PTCH2: variants seen among roughly 807,000 people sequenced by gnomAD.
PTCH2 encodes the protein patched 2.
PTCH2 carries 96 observed loss-of-function variants against 117.9 expected under a neutral mutation model. The ratio of observed to expected loss-of-function variants is 0.81; its 90% CI spans 0.69 to 0.96. The LOEUF is 0.96. PTCH2 is among the 50% of genes least tolerant of loss of function. The pLI, the probability that PTCH2 is intolerant of heterozygous loss-of-function variation, is 0.00. For missense variants in PTCH2, 1,379 were observed against 1,562.5 expected (o/e 0.88, Z 1.98); for synonymous variants, 615 against 660.9 (o/e 0.93, Z 1.06).
intron 2 of PTCH2, among the ~76,000 whole-genome samples, chr1:44,839,007 G>A (rs1653810839): frequency 6.6e-6 from 1 of 152,104 alleles, no homozygotes; most frequent in Non-Finnish European, 1.5e-5. Context: ...GGGATTACAG[G>A]CGTGAGCCAC....
intron 2 of PTCH2, among the ~76,000 whole-genome samples, chr1:44,838,524 A>T (rs1653786813): frequency 6.6e-6 from 1 of 152,204 alleles, no homozygotes; most frequent in Non-Finnish European, 1.5e-5. Flanking sequence ...TACAGGCGTG[A>T]GCCACCGTGC....
Position 44,831,167 on chromosome 1 carries a change from G to T in PTCH2, c.618-124C>A. 1 of 1,024,028 alleles carries T rather than the reference G, an allele frequency of 9.8e-7. No individual in the cohort carries two copies. The highest frequency in any genetic ancestry group is 1.4e-6 in the Non-Finnish European group (1 of 699,244). The allele number at this position is 1,024,028 out of a possible 1,614,324, so 63.4% of individuals were successfully genotyped here. ...GCCGATTTGTCCTTCCATATGGAGG[G>T]TGTGCAAGCCTCAGCTTCTCAGAAC... is the stretch of plus-strand genomic sequence containing the variant. On this transcript the variant is annotated intron_variant, in intron 5 of 21. Transcript: ENST00000372192. The surrounding 1 kb of genome is among the most constrained non-coding windows in gnomAD (Gnocchi z 4.3).
intron 2 of PTCH2, among the ~76,000 whole-genome samples, chr1:44,833,864 C>T (rs1653569187): frequency 6.6e-6 from 1 of 151,972 alleles, no homozygotes; most frequent in Non-Finnish European, 1.5e-5. Flanking sequence ...TCTTAAATTC[C>T]TGGGCTCAAG....
chr1:44,841,926 T>C lies in PTCH2; in HGVS notation c.186A>G (p.Gly62=), dbSNP rs1376344027. Residue 62 remains glycine (G), a synonymous_variant, in exon 2 of 22, where the codon GGA becomes GGG. Transcript: ENST00000372192. ...ATGCCAGGGCCCCAAAGGCCAACAG[T>C]CCCAGAAAGAGCACTTTGCCACAAT... ...QRHCGKVLFL[G]LLAFGALALG... is the part of the protein sequence containing the mutation. 1 of 1,614,126 alleles carries C rather than the reference T, an allele frequency of 6.2e-7. No individual in the cohort carries two copies. The highest frequency in any genetic ancestry group is 1.1e-5 in the South Asian group (1 of 91,086).
chr1:44,832,417 C>CT (rs2148880489), intron 2 of PTCH2, 76 bp from the exon 3 acceptor site: 1 of 1,458,310 alleles, frequency 6.9e-7, no homozygotes, highest in Non-Finnish European at 9.6e-7. Context: ...GCTTCTAACT[C>CT]TGAGGCCTCC....
In PTCH2 at chr1:44,828,350, A is replaced by G. The variant is rs2148876244; in HGVS notation, c.1655T>C (p.Leu552Pro). The change falls in exon 13 of 22, where the codon CTG (leucine) becomes CCG (proline). Residue 552 changes from leucine to proline, a missense_variant. Coordinates refer to ENST00000372192, the MANE Select transcript of PTCH2 (RefSeq NM_003738.5). ...CTGGCAGTGGCGCCGCCGTAGGTCC[A>G]GGCTGAGGATGGCTGGGAAGACAAG... is the stretch of plus-strand genomic sequence containing the variant. ...VMLVFPAILS[L>P]DLRRRHCQRL... is the part of the protein sequence containing the mutation. 1.2e-6 allele frequency: 2 copies of G among 1,614,176 alleles called. No individual in the cohort carries two copies. Among genetic ancestry groups the G allele is most frequent in the Non-Finnish European group, 1.7e-6 (2 of 1,180,016 alleles).
At chr1:44,824,831 C>T (rs2148872886) in intron 19 of PTCH2, among the ~76,000 whole-genome samples, 1 of 152,130 alleles carries the variant, frequency 6.6e-6, no homozygotes, top group Admixed American at 6.5e-5. Flanking sequence ...TGCCACTACG[C>T]CTGGCTAATT....
chr1:44,826,688 C>G lies in PTCH2; in HGVS notation c.2776G>C (p.Ala926Pro). Residue 926 changes from alanine to proline, a missense_variant, in exon 18 of 22, where the codon GCC (alanine) becomes CCC (proline). Transcript: ENST00000372192. The surrounding 1 kb of genome is among the most constrained non-coding windows in gnomAD (Gnocchi z 5.1). ...GLQKTADFVE[A>P]IEGARAACAE... ...CATGCTGCCCGGGCCCCCTCGATGG[C>G]CTCCACAAAGTCTGCAGTCTTCTGG... 6.2e-7 allele frequency: 1 copy of G among 1,606,730 alleles called. No homozygotes were observed. Among genetic ancestry groups the G allele is most frequent in the South Asian group, 1.1e-5 (1 of 90,412 alleles).
intron 21 of PTCH2, 78 bp downstream of exon 21, chr1:44,822,991 G>C (rs1249338952): frequency 6.7e-7 from 1 of 1,484,886 alleles, no homozygotes; most frequent in Non-Finnish European, 9.2e-7. Flanking sequence ...GGGCCACAGG[G>C]CTCTGTCCCT....
chr1:44,827,064 C>T lies in PTCH2; in HGVS notation c.2533G>A (p.Val845Met), dbSNP rs1653185921. Residue 845 changes from valine (V) to methionine (M), a missense_variant, in exon 17 of 22, where the codon GTG becomes ATG. Physicochemically the swap from Val to Met is conservative, Grantham distance 21. Transcript: ENST00000372192. ...DFSQLTTRKL[V>M]DREGLIPPEL... ...GGTGGAATCAGTCCCTCTCTGTCCA[C>T]CAGCTTCCTTGTGGTCAGCTGCAGA... 1.2e-6 allele frequency: 2 copies of T among 1,614,116 alleles called. No individual in the cohort carries two copies. The highest frequency in any genetic ancestry group is 1.7e-6 in the Non-Finnish European group (2 of 1,180,000).
rs2148873842 is a variant in PTCH2, at chr1:44,826,404, T to A, written c.2977-17A>T. ...GACCAGCACCTGAGGGAGACAGGGC[T>A]CACAGAGGGCTCCTGGCAGGAGGGA... On this transcript the variant is annotated splice_polypyrimidine_tract_variant and intron_variant, in intron 18 of 21. Transcript: ENST00000372192. This position sits in a 1 kb window ranked among gnomAD's most constrained non-coding sequence, Gnocchi z 5.1. 1 of 1,613,982 alleles carries A rather than the reference T, an allele frequency of 6.2e-7. No individual in the cohort carries two copies.
In PTCH2 at chr1:44,822,509, T is replaced by C. The variant is rs771112499; in HGVS notation, c.3518A>G (p.Tyr1173Cys). The change falls in exon 22 of 22, where the codon TAC (tyrosine) becomes TGC (cysteine). Residue 1173 changes from tyrosine (Y) to cysteine (C), a missense_variant. Tyr to Cys is a radical substitution (Grantham distance 194). Transcript: ENST00000372192. ...AIHPPPLPGA[Y>C]IHPAPDEPPW... ...GGGCTCATCAGGGGCTGGATGGATG[T>C]AGGCACCAGGCAGGGGGGGTGGGTG... 2.5e-6 allele frequency: 4 copies of C among 1,613,734 alleles called. No homozygotes were observed. The African/African-American group carries it at 5.3e-5, about 22-fold the overall frequency.
chr1:44,826,622 C>T lies in PTCH2; in HGVS notation c.2842G>A (p.Gly948Ser), dbSNP rs754017399. 15 of 1,613,066 alleles carry T rather than the reference C, an allele frequency of 9.3e-6. No individual in the cohort carries two copies. The highest frequency in any genetic ancestry group is 1.3e-5 in the African/African-American group (1 of 74,922). ...TGTTCCCAGAAGAGGAAGGGGGAGCCGCTGGGGTAGGCGTGCACCCCAGCC... is the reference window on the plus strand; with the variant it reads ...TGTTCCCAGAAGAGGAAGGGGGAGCTGCTGGGGTAGGCGTGCACCCCAGCC... ...GQAGVHAYPS[G>S]SPFLFWEQYL... The change falls in exon 18 of 22, where the codon GGC (glycine) becomes AGC (serine). Residue 948 changes from glycine (G) to serine (S), a missense_variant. Physicochemically the swap from Gly to Ser is moderately conservative, Grantham distance 56 (BLOSUM62 0). Coordinates refer to ENST00000372192, the MANE Select transcript of PTCH2 (RefSeq NM_003738.5). The surrounding 1 kb of genome is among the most constrained non-coding windows in gnomAD (Gnocchi z 5.1).
chr1:44,822,663 G>C lies in PTCH2; in HGVS notation c.3364C>G (p.Gln1122Glu). ...SILGPPPEVIQMYKESPEILS... is the reference protein window; with the variant it reads ...SILGPPPEVIEMYKESPEILS... ...ATCTCTGGGCTTTCCTTGTACATCT[G>C]TATCACCTGTGGGGAGACACCAGCC... is the stretch of plus-strand genomic sequence containing the variant. Residue 1122 changes from glutamine to glutamate, a missense_variant, in exon 22 of 22, where the codon CAG becomes GAG. Transcript: ENST00000372192. 1.2e-6 allele frequency: 2 copies of C among 1,613,904 alleles called. No individual in the cohort carries two copies. Among genetic ancestry groups the C allele is most frequent in the Non-Finnish European group, 1.7e-6 (2 of 1,179,884 alleles).
rs547320266 is a variant in PTCH2, at chr1:44,823,538, C to G, written c.3115-153G>C. 2.4e-3 allele frequency among the ~76,000 whole-genome samples: 366 copies of G among 152,272 alleles called. 3 individuals are homozygous for G. Among genetic ancestry groups the G allele is most frequent in the Non-Finnish European group, 4.0e-3 (271 of 68,032 alleles). On this transcript the variant is annotated intron_variant, in intron 19 of 21. Transcript: ENST00000372192. The surrounding 1 kb of genome is among the most constrained non-coding windows in gnomAD (Gnocchi z 5.1). Reference sequence around the variant, plus strand: ...TCATGGGAACTGTACAGGGAGCATGCGTGAGTCCTTTTAGGTAACACTGTA... The same window carrying G: ...TCATGGGAACTGTACAGGGAGCATGGGTGAGTCCTTTTAGGTAACACTGTA...
rs1190751054 is a variant in PTCH2, at chr1:44,822,351, A to G, written c.*64T>C. On this transcript the variant is annotated 3_prime_UTR_variant, in exon 22 of 22. Coordinates refer to ENST00000372192, the MANE Select transcript of PTCH2 (RefSeq NM_003738.5). Reference sequence around the variant, plus strand: ...AGGGGTCCATCCTGCGTCTAACACCAGACCCAGTGCTTCCCAGTGACCCCA... The same window carrying G: ...AGGGGTCCATCCTGCGTCTAACACCGGACCCAGTGCTTCCCAGTGACCCCA... 2 of 1,609,718 alleles carry G rather than the reference A, an allele frequency of 1.2e-6. No homozygotes were observed. The highest frequency in any genetic ancestry group is 3.3e-5 in the Admixed American group (2 of 60,014).
chr1:44,832,081 A>G lies in PTCH2; in HGVS notation c.456-37T>C, dbSNP rs2295999. On this transcript the variant is annotated intron_variant, in intron 3 of 21. Coordinates refer to ENST00000372192, the MANE Select transcript of PTCH2 (RefSeq NM_003738.5). ...AGGGGCATAGGAGATCAGCAGAAGA[A>G]GGGGATTCCCACTCCAGAACCCCCA... The G allele has an allele frequency of 0.2, 315,210 of 1,611,728 alleles. 33,879 individuals carry two copies. The highest frequency in any genetic ancestry group is 0.44 in the African/African-American group (33,264 of 74,814).
chr1:44,832,458 G>T, intron 2 of PTCH2, 117 bp from the exon 3 acceptor site: 1 of 1,068,760 alleles, frequency 9.4e-7, no homozygotes, highest in Non-Finnish European at 1.4e-6. Flanking sequence ...CGGCAGAGAG[G>T]AGTCCCTGCC....
chr1:44,838,370 T>G (rs1404683999), intron 2 of PTCH2, among the ~76,000 whole-genome samples: 1 of 152,054 alleles, frequency 6.6e-6, no homozygotes, highest in Non-Finnish European at 1.5e-5. Flanking sequence ...GCCTCCCCAG[T>G]AGCTGGGATT....
Sources: gnomAD v4.1 joint callset for allele counts (sites outside exome capture counted in the v4.1 genomes callset) on GRCh38, gnomAD v4.1.1 for gene constraint, Gnocchi (gnomAD v3.1) non-coding constraint, MANE v1.5 for transcripts, NCBI Gene and HGNC (gene_info 2026-07-23, HGNC 2026-07-21) for gene names.